The following FSTL5 variants were observed in gnomAD, a reference collection of about 807,000 sequenced individuals.
The protein encoded by FSTL5 is follistatin-related protein 5.
FSTL5 carries 62 observed loss-of-function variants against 89.1 expected under a neutral mutation model. The observed-to-expected ratio is 0.70, with a 90% CI of 0.57 to 0.86. The LOEUF is 0.86. FSTL5 is among the 40% of genes least tolerant of loss of function. The pLI, the probability that FSTL5 is intolerant of heterozygous loss-of-function variation, is 0.00. For missense variants in FSTL5, 1,057 were observed against 1,001.6 expected (o/e 1.06, Z -0.75); for synonymous variants, 383 against 346.2 (o/e 1.11, Z -1.18).
At chr4:161,604,192 G>A (rs191662338) in intron 7 of FSTL5, among the ~76,000 whole-genome samples, 287 of 151,828 alleles carry the variant, frequency 1.9e-3, no homozygotes, top group Middle Eastern at 6.8e-3. Flanking sequence ...TTAATATTCA[G>A]TTCTCTTAAT....
Position 161,919,327 on chromosome 4 carries a change from T to C in FSTL5, c.409+1077A>G, listed in dbSNP as rs1023886464. On this transcript the variant is annotated intron_variant, in intron 4 of 15. Transcript: ENST00000306100. ...TTATCCCAGTTTTACTTCAAATGTG[T>C]TAAAGGATTTCTAGCAGCAACAATA... is the stretch of plus-strand genomic sequence containing the variant. Among the ~76,000 whole-genome samples, 5 of 152,268 alleles carry C rather than the reference T, an allele frequency of 3.3e-5. No individual in the cohort carries two copies. The South Asian group carries it at 1.0e-3, about 32-fold the overall frequency.
rs192560109 is a variant in FSTL5 at position 161,503,346 on chromosome 4, T to C, written c.1340-3212A>G. ...AACCAGACTTTGATAACTATTCTCA[T>C]TTCTCCTCAAACCCATATATGCTAA... On this transcript the variant is annotated intron_variant, in intron 11 of 15. Coordinates refer to ENST00000306100, the MANE Select transcript of FSTL5 (RefSeq NM_020116.5). Among the ~76,000 whole-genome samples, 15 of 151,966 alleles carry C rather than the reference T, an allele frequency of 9.9e-5. No individual in the cohort carries two copies. The East Asian group carries it at 2.3e-3, about 23-fold the overall frequency.
At chr4:161,676,745 A>G (rs998167128) in intron 6 of FSTL5, among the ~76,000 whole-genome samples, 1 of 148,242 alleles carries the variant, frequency 6.7e-6, no homozygotes, top group Non-Finnish European at 1.5e-5. Context: ...AAATACATAC[A>G]CGCACACACA....
intron 7 of FSTL5, among the ~76,000 whole-genome samples, chr4:161,610,109 T>A (rs1022174139): frequency 1.3e-5 from 2 of 152,090 alleles, no homozygotes; most frequent in African/African-American, 4.8e-5. Flanking sequence ...ACCTGCTAAA[T>A]ACTGTACTAG....
intron 7 of FSTL5, among the ~76,000 whole-genome samples, chr4:161,641,138 A>C (rs936960341): frequency 3.9e-5 from 6 of 152,186 alleles, no homozygotes; most frequent in Non-Finnish European, 8.8e-5. Context: ...CTGCCCTGCT[A>C]GAAATACCTA....
Position 161,723,269 on chromosome 4 carries a change from C to G in FSTL5, c.727+36142G>C, listed in dbSNP as rs113021888. ...AAAGGTAAAATTATCTAAATCAAAACTTACACTAATAAGAAATTTGTTGTC... is the reference window on the plus strand; with the variant it reads ...AAAGGTAAAATTATCTAAATCAAAAGTTACACTAATAAGAAATTTGTTGTC... On this transcript the variant is annotated intron_variant, in intron 6 of 15. Coordinates refer to ENST00000306100, the MANE Select transcript of FSTL5 (RefSeq NM_020116.5). Among the ~76,000 whole-genome samples the G allele has an allele frequency of 2.3e-3, 356 of 152,256 alleles. 5 individuals carry two copies. The highest frequency in any genetic ancestry group is 4.1e-3 in the Admixed American group (62 of 15,290).
At chr4:161,926,418 TG>T (rs148781716) in intron 3 of FSTL5, among the ~76,000 whole-genome samples, 83,843 of 143,304 alleles carry the variant, frequency 0.59, 24,627 homozygotes, top group Middle Eastern at 0.68. Context: ...TTTTGTTTTT[TG>T]TTTTTTTACA....
At chr4:161,609,286 G>A (rs1302525026) in intron 7 of FSTL5, among the ~76,000 whole-genome samples, 4 of 152,030 alleles carry the variant, frequency 2.6e-5, no homozygotes, top group Admixed American at 1.3e-4. Context: ...TTAAAAATAC[G>A]TAATGCTGAA....
rs1245686311 is a variant in FSTL5 at position 161,909,962 on chromosome 4, T to C, written c.409+10442A>G. Among the ~76,000 whole-genome samples, 4 of 152,310 alleles carry C rather than the reference T, an allele frequency of 2.6e-5. No homozygotes were observed. The East Asian group carries it at 7.7e-4, about 29-fold the overall frequency. Reference sequence around the variant, plus strand: ...GTAGTTATCAAGAGGAAGAAGTGAATGGGAATAATTTTTTTAGAATAAAAA... The same window carrying C: ...GTAGTTATCAAGAGGAAGAAGTGAACGGGAATAATTTTTTTAGAATAAAAA... On this transcript the variant is annotated intron_variant, in intron 4 of 15. Coordinates refer to ENST00000306100, the MANE Select transcript of FSTL5 (RefSeq NM_020116.5).
At chr4:161,519,617 A>G (rs1449793485) in intron 10 of FSTL5, among the ~76,000 whole-genome samples, 3 of 152,192 alleles carry the variant, frequency 2.0e-5, no homozygotes, top group African/African-American at 7.2e-5. Flanking sequence ...CCAGATTGGC[A>G]ACACCTAAGC....
rs1327296117 is a variant in FSTL5, at chr4:161,568,210, G to T, written c.1015+19245C>A. Among the ~76,000 whole-genome samples, 9 of 152,046 alleles carry T rather than the reference G, an allele frequency of 5.9e-5. No homozygotes were observed. In the South Asian group the frequency reaches 1.2e-3, roughly 21 times the overall value. On this transcript the variant is annotated intron_variant, in intron 8 of 15. Coordinates refer to ENST00000306100, the MANE Select transcript of FSTL5 (RefSeq NM_020116.5). ...TTTGTCCTTTATGTCAATCACTATT[G>T]CATCTTTCTCTTAATTGGTTCTGAA...
intron 15 of FSTL5, among the ~76,000 whole-genome samples, chr4:161,412,295 A>G (rs1408553699): frequency 6.6e-6 from 1 of 152,108 alleles, no homozygotes; most frequent in Non-Finnish European, 1.5e-5. Flanking sequence ...TGCCATTCCA[A>G]TCAAACTACC....
chr4:161,638,319 C>A (rs1414711583), intron 7 of FSTL5, among the ~76,000 whole-genome samples: 2 of 151,562 alleles, frequency 1.3e-5, no homozygotes, highest in Non-Finnish European at 2.9e-5. Context: ...GATTTTGTAT[C>A]CTGAGACTTT....
intron 4 of FSTL5, among the ~76,000 whole-genome samples, chr4:161,864,105 T>C (rs533570551): frequency 1.5e-4 from 23 of 152,304 alleles, no homozygotes; most frequent in African/African-American, 5.5e-4. Context: ...TTTAAACTTA[T>C]CCTTTAGAAA....
intron 2 of FSTL5, among the ~76,000 whole-genome samples, chr4:162,061,685 C>G (rs953586187): frequency 6.6e-6 from 1 of 152,006 alleles, no homozygotes; most frequent in Non-Finnish European, 1.5e-5. Flanking sequence ...GGGTTTTAAA[C>G]CAAAGCACGC....
chr4:162,102,215 C>T (rs1367326361), intron 2 of FSTL5, among the ~76,000 whole-genome samples: 1 of 151,618 alleles, frequency 6.6e-6, no homozygotes, highest in Non-Finnish European at 1.5e-5. Context: ...AAAAAATAAA[C>T]AGTAGCCTGC....
chr4:161,460,348 CAT>C (rs1733516901), intron 13 of FSTL5, among the ~76,000 whole-genome samples: 4 of 138,604 alleles, frequency 2.9e-5, no homozygotes, highest in Non-Finnish European at 4.7e-5. Context: ...GTTAACTTGT[CAT>C]TTACATTAGG....
Position 161,552,735 on chromosome 4 carries a change from C to G in FSTL5, c.1016-10042G>C, listed in dbSNP as rs1732258346. Among the ~76,000 whole-genome samples the G allele has an allele frequency of 3.3e-5, 5 of 151,700 alleles. No individual in the cohort carries two copies. In the Admixed American group the frequency reaches 3.3e-4, roughly 10 times the overall value. On this transcript the variant is annotated intron_variant, in intron 8 of 15. Coordinates refer to ENST00000306100, the MANE Select transcript of FSTL5 (RefSeq NM_020116.5). ...TGTTAAATGATTTTCTGAAAAGTGT[C>G]TCTTAACTCACATAGAATTGAAGGA... is the stretch of plus-strand genomic sequence containing the variant.
intron 4 of FSTL5, among the ~76,000 whole-genome samples, chr4:161,871,376 AAATT>A (rs1732257152): frequency 6.6e-6 from 1 of 152,108 alleles, no homozygotes; most frequent in African/African-American, 2.4e-5. Flanking sequence ...TTTTGTAGAT[AAATT>A]AATTATTAAT....
Sources: allele counts gnomAD v4.1 joint callset (sites outside exome capture counted in the v4.1 genomes callset), GRCh38; gene constraint gnomAD v4.1.1; transcripts MANE v1.5; gene names NCBI Gene and HGNC (gene_info 2026-07-23, HGNC 2026-07-21).